Variants in EML5 observed in about 807,000 individuals in gnomAD.
The protein encoded by EML5 is EMAP like 5.
EML5 carries 120 observed loss-of-function variants against 250.0 expected under a neutral mutation model. The ratio of observed to expected loss-of-function variants is 0.48; its 90% CI spans 0.41 to 0.56. EML5 has a LOEUF of 0.56. Among genes scored for constraint, EML5 ranks in the 20% least tolerant of loss-of-function variants. The pLI, the probability that EML5 is intolerant of heterozygous loss-of-function variation, is 0.00. For synonymous variants in EML5, 771 were observed against 806.5 expected, an observed-to-expected ratio of 0.96 and a Z score of 0.75; for missense variants, 2,006 against 2,437.6, an observed-to-expected ratio of 0.82 and a Z score of 3.73.
chr14:88,743,012 AC>A (rs2093946945), intron 4 of EML5, among the ~76,000 whole-genome samples: 2 of 152,140 alleles, frequency 1.3e-5, no homozygotes, highest in Admixed American at 6.5e-5. Context: ...TTTAAAAGTA[AC>A]TATAAACATA....
At position 88,618,250 on chromosome 14, in the gene EML5, T is replaced by C; in HGVS notation, c.5620A>G (p.Ile1874Val). The C allele has an allele frequency of 1.2e-6, 2 of 1,613,802 alleles. No homozygotes were observed. ...TACCTAGTCCATGTAGCCCAAGTAA[T>C]TCTGTCAATAGCGGCATGATCCATA... ...HLMDHAAIDR[I>V]TWATWTSILG... The change falls in exon 41 of 44, where the codon ATT (isoleucine) becomes GTT (valine). Residue 1874 changes from isoleucine to valine, a missense_variant. Physicochemically the swap from Ile to Val is conservative, Grantham distance 29. This residue lies in a region of EML5 where 405 missense variants were observed against 523.3 expected (regional missense o/e 0.77). Transcript: ENST00000554922.
At chr14:88,790,343 T>G (rs548908430) in intron 1 of EML5, among the ~76,000 whole-genome samples, 1 of 152,202 alleles carries the variant, frequency 6.6e-6, no homozygotes, top group East Asian at 1.9e-4. Flanking sequence ...TATTCAACGA[T>G]GAGAAATTCG....
intron 7 of EML5, among the ~76,000 whole-genome samples, chr14:88,728,834 A>C (rs559826831): frequency 4.0e-4 from 61 of 152,268 alleles, no homozygotes; most frequent in Admixed American, 3.4e-3. Context: ...AATCTCCCCC[A>C]AAAATAGCAA....
In EML5 at chr14:88,646,863, G is replaced by A. The variant is rs557584036; in HGVS notation, c.4028+84C>T. On this transcript the variant is annotated intron_variant, in intron 29 of 43. Transcript: ENST00000554922. Reference sequence around the variant, plus strand: ...TGTGAAGAGAGGTAAAGAACACTAAGTAACAGTATCCCATTAATGCTAAAT... The same window carrying A: ...TGTGAAGAGAGGTAAAGAACACTAAATAACAGTATCCCATTAATGCTAAAT... The A allele has an allele frequency of 4.8e-5, 68 of 1,411,686 alleles. No homozygotes were observed. In the African/African-American group the frequency reaches 5.5e-4, roughly 11 times the overall value. The allele number at this position is 1,411,686 out of a possible 1,614,324, so 87.4% of individuals were successfully genotyped here.
intron 14 of EML5, among the ~76,000 whole-genome samples, chr14:88,698,743 G>C (rs752009204): frequency 6.6e-6 from 1 of 151,982 alleles, no homozygotes; most frequent in African/African-American, 2.4e-5. Flanking sequence ...TCCTTCTCTC[G>C]AGCAGTTACT....
At chr14:88,786,804 C>T (rs2094555696) in intron 1 of EML5, among the ~76,000 whole-genome samples, 1 of 152,158 alleles carries the variant, frequency 6.6e-6, no homozygotes, top group Non-Finnish European at 1.5e-5. Flanking sequence ...TGAGGCCTCC[C>T]CAGCCATGTG....
rs1555362461 is a variant in EML5, at chr14:88,721,348, G to A, written c.1187+5193C>T. ...AAAAGAACAAGGCAGGAAGCATCAC[G>A]CTACTGAACCTCAAACTATATTACA... is the stretch of plus-strand genomic sequence containing the variant. On this transcript the variant is annotated intron_variant, in intron 8 of 43. Coordinates refer to ENST00000554922, the MANE Select transcript of EML5 (RefSeq NM_183387.3). Among the ~76,000 whole-genome samples the A allele has an allele frequency of 9.3e-3, 1,423 of 152,240 alleles. 25 individuals carry two copies. Among genetic ancestry groups the A allele is most frequent in the African/African-American group, 0.033 (1,353 of 41,544 alleles).
chr14:88,756,755 T>C (rs1166511441), intron 1 of EML5, among the ~76,000 whole-genome samples: 1 of 151,994 alleles, frequency 6.6e-6, no homozygotes, highest in Non-Finnish European at 1.5e-5. Context: ...GAATAAAACA[T>C]TTAGGAATAA....
At chr14:88,678,810 C>T (rs1299572801) in intron 21 of EML5, among the ~76,000 whole-genome samples, 1 of 152,120 alleles carries the variant, frequency 6.6e-6, no homozygotes, top group Non-Finnish European at 1.5e-5. Flanking sequence ...TTTTTGAACA[C>T]TGGAATATGA....
At chr14:88,739,071 A>G in intron 5 of EML5, 57 bp from the exon 6 acceptor site, 1 of 1,487,562 alleles carries the variant, frequency 6.7e-7, no homozygotes, top group South Asian at 1.3e-5. Context: ...CATCTACTAT[A>G]TGAAGGTAGA....
At chr14:88,655,386 C>G (rs536593183) in intron 27 of EML5, among the ~76,000 whole-genome samples, 170 of 152,246 alleles carry the variant, frequency 1.1e-3, no homozygotes, top group Non-Finnish European at 1.8e-3. Flanking sequence ...AAAGGATTCC[C>G]TCTTTAATAA....
intron 13 of EML5, among the ~76,000 whole-genome samples, chr14:88,702,894 ACT>A (rs2093243172): frequency 6.6e-6 from 1 of 152,128 alleles, no homozygotes; most frequent in Non-Finnish European, 1.5e-5. Context: ...AGCTGGGACT[ACT>A]GCTGTGCGCC....
chr14:88,630,023 ATTTTT>A (rs58382081), intron 33 of EML5, among the ~76,000 whole-genome samples: 271 of 84,232 alleles, frequency 3.2e-3, no homozygotes, highest in African/African-American at 0.01. Flanking sequence ...TAAAAACTGT[ATTTTT>A]TTTTTTTTTT....
intron 21 of EML5, among the ~76,000 whole-genome samples, chr14:88,675,790 A>G (rs948225781): frequency 1.3e-5 from 2 of 152,144 alleles, no homozygotes; most frequent in African/African-American, 4.8e-5. Context: ...AAACAACACC[A>G]AAGTCACCTC....
In EML5 at chr14:88,694,374, C is replaced by CATCTTTACAACAAAAATCTT; in HGVS notation, c.2452_2471dup (p.Met824IlefsTer6). 1 of 1,591,312 alleles carries CATCTTTACAACAAAAATCTT rather than the reference C, an allele frequency of 6.3e-7. No homozygotes were observed. The highest frequency in any genetic ancestry group is 8.6e-7 in the Non-Finnish European group (1 of 1,168,306). ...TTAGTTTATCAGGCACATAGGGGTT[C>CATCTTTACAACAAAAATCTT]ATCTTTACAACAAAAATCTTATCTT... On this transcript the variant is annotated stop_gained and frameshift_variant, in exon 17 of 44. Transcript: ENST00000554922. LOFTEE classifies it high-confidence loss of function.
In EML5 at chr14:88,702,587, A is replaced by G; in HGVS notation, c.2097T>C (p.Ile699=). 6.2e-7 allele frequency: 1 copy of G among 1,610,518 alleles called. No individual in the cohort carries two copies. The highest frequency in any genetic ancestry group is 1.3e-5 in the African/African-American group (1 of 74,978). The change falls in exon 14 of 44, where the codon ATT becomes ATC. Residue 699 remains isoleucine (I), a synonymous_variant. Coordinates refer to ENST00000554922, the MANE Select transcript of EML5 (RefSeq NM_183387.3). ...DCRSNLFYTQ[I]GEIVYHVAAV... is the part of the protein sequence containing the mutation. ...CTGCCACATGGTACACAATTTCACCAATTTGAGTATAAAACAGATTACTTC... is the reference window on the plus strand; with the variant it reads ...CTGCCACATGGTACACAATTTCACCGATTTGAGTATAAAACAGATTACTTC...
intron 33 of EML5, among the ~76,000 whole-genome samples, chr14:88,630,037 T>G (rs1349291843): frequency 6.8e-6 from 1 of 146,552 alleles, no homozygotes; most frequent in East Asian, 2.0e-4. Context: ...TTTTTTTTTT[T>G]TTTTTTTTTT....
intron 8 of EML5, among the ~76,000 whole-genome samples, chr14:88,722,696 C>G (rs2093608735): frequency 6.6e-6 from 1 of 152,018 alleles, no homozygotes. Flanking sequence ...TGCTCCATTA[C>G]TGGAACGCTA....
rs28399784 is a variant in EML5 at position 88,692,710 on chromosome 14, G to A, written c.2539+1597C>T. Among the ~76,000 whole-genome samples, 694 of 152,284 alleles carry A rather than the reference G, an allele frequency of 4.6e-3. 3 individuals carry two copies. The highest frequency in any genetic ancestry group is 0.016 in the African/African-American group (666 of 41,568). On this transcript the variant is annotated intron_variant, in intron 17 of 43. Coordinates refer to ENST00000554922, the MANE Select transcript of EML5 (RefSeq NM_183387.3). The stretch of plus-strand genomic sequence containing the variant: ...TTACAAGTGACTAAGGTGCCCAAAT[G>A]AAGTTTGTTTAAGCATGTGGAAACA...
Sources: allele counts gnomAD v4.1 joint callset (sites outside exome capture counted in the v4.1 genomes callset), GRCh38; gene constraint gnomAD v4.1.1; regional missense constraint gnomAD v4.1.1; transcripts MANE v1.5; gene names NCBI Gene and HGNC (gene_info 2026-07-23, HGNC 2026-07-21).